The following ATP6V0A4 variants were observed in gnomAD, a reference collection of about 807,000 sequenced individuals.
ATP6V0A4 encodes V-type proton ATPase 116 kDa subunit a 4.
Under a neutral mutation model 107.3 loss-of-function variants are expected in ATP6V0A4, and 86 were observed. That is an observed-to-expected ratio of 0.80 (90% CI 0.67 to 0.96). The LOEUF is 0.96. Among genes scored for constraint, ATP6V0A4 ranks in the 40% least tolerant of loss-of-function variants. The pLI, the probability that ATP6V0A4 is intolerant of heterozygous loss-of-function variation, is 0.00. For missense variants in ATP6V0A4, 908 were observed against 1,045.6 expected, an observed-to-expected ratio of 0.87 and a Z score of 1.81; for synonymous variants, 353 against 381.4, an observed-to-expected ratio of 0.93 and a Z score of 0.87.
At chr7:138,737,579 CTTTTTTTTT>C (rs373540257) in intron 15 of ATP6V0A4, among the ~76,000 whole-genome samples, 3 of 134,644 alleles carry the variant, frequency 2.2e-5, no homozygotes, top group African/African-American at 8.2e-5. Flanking sequence ...TTTTCTTTTT[CTTTTTTTTT>C]TTTTTTTTTT....
chr7:138,776,357 T>C (rs1430675922), intron 2 of ATP6V0A4, among the ~76,000 whole-genome samples: 1 of 152,206 alleles, frequency 6.6e-6, no homozygotes, highest in African/African-American at 2.4e-5. Context: ...TTGCGTTTCT[T>C]GAGAGGCGGA....
intron 20 of ATP6V0A4, among the ~76,000 whole-genome samples, chr7:138,714,620 T>C (rs1198588148): frequency 6.6e-6 from 1 of 152,146 alleles, no homozygotes; most frequent in Admixed American, 6.6e-5. Context: ...ATTGTATTTC[T>C]GGGCCTGGCC....
chr7:138,762,180 C>T (rs1429890347), intron 7 of ATP6V0A4, among the ~76,000 whole-genome samples, 160 bp downstream of exon 7: 1 of 152,120 alleles, frequency 6.6e-6, no homozygotes. Context: ...CCGACTCCAC[C>T]AACCTAGTAA....
intron 5 of ATP6V0A4, among the ~76,000 whole-genome samples, chr7:138,767,996 C>A (rs2117329723): frequency 6.6e-6 from 1 of 152,242 alleles, no homozygotes; most frequent in South Asian, 2.1e-4. Flanking sequence ...TGCAGTGGCA[C>A]AATCTCAGCT....
rs1245030491 is a variant in ATP6V0A4, at chr7:138,714,121, C to CT, written c.2257+1642dup. On this transcript the variant is annotated intron_variant, in intron 20 of 21. Coordinates refer to ENST00000310018, the MANE Select transcript of ATP6V0A4 (RefSeq NM_020632.3). Reference sequence around the variant, plus strand: ...TTGGCCCAGGCATGGTGGCATGCACCTGTGGTCCCAGCTACTTGGGAAGCT... The same window carrying CT: ...TTGGCCCAGGCATGGTGGCATGCACCTTGTGGTCCCAGCTACTTGGGAAGCT... Among the ~76,000 whole-genome samples the CT allele has an allele frequency of 3.3e-5, 5 of 150,962 alleles. No individual in the cohort carries two copies. The South Asian group carries it at 1.1e-3, about 32-fold the overall frequency.
At chr7:138,732,248 G>A (rs1288373764) in intron 17 of ATP6V0A4, among the ~76,000 whole-genome samples, 1 of 152,148 alleles carries the variant, frequency 6.6e-6, no homozygotes, top group African/African-American at 2.4e-5. Context: ...ACATTCTACA[G>A]CTGCAAGCCT....
chr7:138,737,973 G>A (rs953529877), intron 15 of ATP6V0A4, among the ~76,000 whole-genome samples: 1 of 151,864 alleles, frequency 6.6e-6, no homozygotes, highest in African/African-American at 2.4e-5. Context: ...TGTTGGCCAG[G>A]CTGGTCTCGA....
intron 8 of ATP6V0A4, 103 bp from the exon 9 acceptor site, chr7:138,756,643 T>C: frequency 3.5e-6 from 5 of 1,438,228 alleles, no homozygotes; most frequent in Non-Finnish European, 4.7e-6. Context: ...ACACAATTCA[T>C]ACATTTAAAA....
intron 6 of ATP6V0A4, 48 bp from the exon 7 acceptor site, chr7:138,762,482 C>T (rs1584934689): frequency 2.5e-6 from 4 of 1,609,484 alleles, no homozygotes; most frequent in African/African-American, 2.7e-5. Flanking sequence ...TTTAGGGAAA[C>T]TCAAAAGGCA....
chr7:138,759,428 C>G (rs1233898017), intron 8 of ATP6V0A4, among the ~76,000 whole-genome samples: 1 of 151,966 alleles, frequency 6.6e-6, no homozygotes, highest in African/African-American at 2.4e-5. Context: ...AGAAGCTGAC[C>G]TCAATCAGTT....
intron 14 of ATP6V0A4, among the ~76,000 whole-genome samples, chr7:138,744,141 C>A (rs1805781368): frequency 6.6e-6 from 1 of 152,084 alleles, no homozygotes; most frequent in African/African-American, 2.4e-5. Context: ...TCTACAGTAC[C>A]CACATATCCT....
In ATP6V0A4 at chr7:138,798,163, C is replaced by T. The variant is rs546909749; in HGVS notation, c.-250G>A. ...CTGATCCTCAGCCTGGCCTTTGCCTCCCTCCACTCGGCTTGCTCGGCAGGT... is the reference window on the plus strand; with the variant it reads ...CTGATCCTCAGCCTGGCCTTTGCCTTCCTCCACTCGGCTTGCTCGGCAGGT... On this transcript the variant is annotated 5_prime_UTR_variant, in exon 1 of 22. Transcript: ENST00000310018. The T allele has an allele frequency of 1.9e-6, 3 of 1,598,596 alleles. No individual in the cohort carries two copies. Among genetic ancestry groups the T allele is most frequent in the African/African-American group, 2.7e-5 (2 of 74,784 alleles).
chr7:138,756,025 G>C (rs1181770402), intron 9 of ATP6V0A4: 1 of 654,062 alleles, frequency 1.5e-6, no homozygotes, highest in Non-Finnish European at 2.5e-6. Context: ...CATAAAACCT[G>C]TGAGTTGCTG....
In ATP6V0A4 at chr7:138,782,254, C is replaced by G. The variant is rs1414844856; in HGVS notation, c.-18+3904G>C. Among the ~76,000 whole-genome samples, 4 of 152,300 alleles carry G rather than the reference C, an allele frequency of 2.6e-5. No homozygotes were observed. The South Asian group carries it at 6.2e-4, about 24-fold the overall frequency. On this transcript the variant is annotated intron_variant, in intron 2 of 21. Coordinates refer to ENST00000310018, the MANE Select transcript of ATP6V0A4 (RefSeq NM_020632.3). ...GCTGGTGGTTGCTGGCAATCTTTGG[C>G]ATTCCTTGGCTTGGAGAAGCATCAC...
intron 1 of ATP6V0A4, among the ~76,000 whole-genome samples, chr7:138,796,564 G>A (rs77744489): frequency 0.033 from 5,088 of 152,022 alleles, 255 homozygotes; most frequent in African/African-American, 0.12. Context: ...CGATTCCCTC[G>A]CCTTTATAGG....
Position 138,756,560 on chromosome 7 carries a change from TAA to T in ATP6V0A4, c.640-22_640-21del. 1 of 1,483,878 alleles carries T rather than the reference TAA, an allele frequency of 6.7e-7. No homozygotes were observed. Among genetic ancestry groups the T allele is most frequent in the Non-Finnish European group, 9.2e-7 (1 of 1,092,420 alleles). The allele number at this position is 1,483,878 out of a possible 1,614,324, so 91.9% of individuals were successfully genotyped here. On this transcript the variant is annotated intron_variant, in intron 8 of 21. Coordinates refer to ENST00000310018, the MANE Select transcript of ATP6V0A4 (RefSeq NM_020632.3). ...TTCTTTCTGGAAAATCAGAATAAGT[TAA>T]AAAAAAAGGGGGGGGTTTCTTTCTG...
At chr7:138,716,049 G>A (rs1765879147) in intron 19 of ATP6V0A4, 168 bp from the exon 20 acceptor site, 2 of 543,530 alleles carry the variant, frequency 3.7e-6, no homozygotes, top group South Asian at 1.6e-4. Flanking sequence ...TCAGCACAAA[G>A]TCGTATGTTA....
intron 10 of ATP6V0A4, 135 bp from the exon 11 acceptor site, chr7:138,752,972 G>A: frequency 6.7e-7 from 1 of 1,500,926 alleles, no homozygotes; most frequent in Non-Finnish European, 8.9e-7. Flanking sequence ...GCTGTCACCT[G>A]GCCTTGAACT....
At chr7:138,745,350 A>G in intron 13 of ATP6V0A4, 70 bp from the exon 14 acceptor site, 1 of 1,607,970 alleles carries the variant, frequency 6.2e-7, no homozygotes, top group South Asian at 1.1e-5. Flanking sequence ...GAAGCGTTCT[A>G]CAGGATATCT....
Sources: gnomAD v4.1 joint callset for allele counts (sites outside exome capture counted in the v4.1 genomes callset) on GRCh38, gnomAD v4.1.1 for gene constraint, MANE v1.5 for transcripts, NCBI Gene and HGNC (gene_info 2026-07-23, HGNC 2026-07-21) for gene names.